Variants in PPP1R13B observed in about 807,000 individuals in gnomAD.
PPP1R13B encodes protein phosphatase 1 regulatory subunit 13B, also known as apoptosis-stimulating of p53 protein 1.
In PPP1R13B, 44 loss-of-function variants were observed where a neutral mutation model predicts 119.8. The observed-to-expected ratio is 0.37, with a 90% CI of 0.29 to 0.47. The LOEUF is 0.47. Among genes scored for constraint, PPP1R13B ranks in the 20% least tolerant of loss-of-function variants. The pLI is 0.99. For synonymous variants in PPP1R13B, 542 were observed against 561.5 expected (o/e 0.97, Z 0.49); for missense variants, 1,227 against 1,413.5 (o/e 0.87, Z 2.12).
chr14:103,765,296 G>A (rs1311975876), intron 4 of PPP1R13B, among the ~76,000 whole-genome samples: 1 of 152,100 alleles, frequency 6.6e-6, no homozygotes, highest in African/African-American at 2.4e-5. Context: ...ATATTATTTG[G>A]AATAAAAAAT....
At chr14:103,848,128 C>T, upstream of PPP1R13B, 3 of 638,776 alleles carry the variant, frequency 4.7e-6, no homozygotes, top group Non-Finnish European at 5.8e-6. Flanking sequence ...GGCCCGACGC[C>T]CTTGGCTGGC....
chr14:103,790,963 A>G (rs1304231543), intron 2 of PPP1R13B, among the ~76,000 whole-genome samples: 3 of 152,218 alleles, frequency 2.0e-5, no homozygotes. Flanking sequence ...TGATGTCAAG[A>G]CAAGAGATAA....
intron 2 of PPP1R13B, among the ~76,000 whole-genome samples, chr14:103,785,517 CTTTTT>C (rs57736391): frequency 2.5e-5 from 3 of 120,178 alleles, no homozygotes; most frequent in Admixed American, 8.6e-5. Context: ...CACACTCAGC[CTTTTT>C]TTTTTTTTTT....
chr14:103,738,451 C>A lies in PPP1R13B; in HGVS notation c.2864+228G>T. ...TTAGACTGCAATGTTAATGACGAGG[C>A]ACAGAAAGAGCATAACCACAGCCAC... On this transcript the variant is annotated intron_variant, in intron 14 of 16. Transcript: ENST00000202556. This position sits in a 1 kb window ranked among gnomAD's most constrained non-coding sequence, Gnocchi z 5.6. 1 of 603,694 alleles carries A rather than the reference C, an allele frequency of 1.7e-6. No individual in the cohort carries two copies. Among genetic ancestry groups the A allele is most frequent in the Non-Finnish European group, 2.9e-6 (1 of 350,556 alleles). 37.4% of individuals were successfully genotyped at this position (603,694 alleles called of 1,614,324 possible).
intron 1 of PPP1R13B, among the ~76,000 whole-genome samples, chr14:103,826,804 A>T (rs188570349): frequency 2.7e-5 from 4 of 150,286 alleles, no homozygotes; most frequent in Non-Finnish European, 5.9e-5. Context: ...GTCAGGAGAT[A>T]GAGACCATCC....
At chr14:103,847,186 C>G (rs2087067240) in intron 1 of PPP1R13B, 113 bp downstream of exon 1, 23 of 1,019,584 alleles carry the variant, frequency 2.3e-5, no homozygotes, top group Non-Finnish European at 2.6e-5. Context: ...ACTTCCTTCC[C>G]CGCCCGCCCG....
chr14:103,778,651 C>T lies in PPP1R13B; in HGVS notation c.354+94G>A, dbSNP rs552492006. 159 of 957,754 alleles carry T rather than the reference C, an allele frequency of 1.7e-4. 1 individual carries two copies. Among genetic ancestry groups the T allele is most frequent in the Middle Eastern group, 6.4e-4 (3 of 4,678 alleles). 59.3% of individuals were successfully genotyped at this position (957,754 alleles called of 1,614,324 possible). On this transcript the variant is annotated intron_variant, in intron 4 of 16. Coordinates refer to ENST00000202556, the MANE Select transcript of PPP1R13B (RefSeq NM_015316.3). ...AAACTCCTGCCCTCATGTGATCCTC[C>T]CACCTTGGCCTCCCAAAGTGCTGAG...
At chr14:103,769,262 T>A (rs1442142061) in intron 4 of PPP1R13B, among the ~76,000 whole-genome samples, 2 of 143,806 alleles carry the variant, frequency 1.4e-5, no homozygotes, top group Non-Finnish European at 3.0e-5. Context: ...ATATTTGTAT[T>A]TTTTTTTTAG....
chr14:103,833,832 T>C (rs2086713076), intron 1 of PPP1R13B, among the ~76,000 whole-genome samples: 1 of 152,076 alleles, frequency 6.6e-6, no homozygotes, highest in Non-Finnish European at 1.5e-5. Flanking sequence ...CTTTTATCTT[T>C]TGGAATGGCA....
intron 1 of PPP1R13B, among the ~76,000 whole-genome samples, chr14:103,800,194 G>A (rs2152045096): frequency 6.6e-6 from 1 of 152,280 alleles, no homozygotes; most frequent in South Asian, 2.1e-4. Context: ...GGTGGCTCAT[G>A]ACAGTGGTCT....
intron 1 of PPP1R13B, among the ~76,000 whole-genome samples, chr14:103,807,587 C>T (rs569756267): frequency 2.3e-4 from 35 of 152,078 alleles, no homozygotes; most frequent in Non-Finnish European, 4.6e-4. Flanking sequence ...CTCTGCCTTC[C>T]GGGTTCACGC....
intron 1 of PPP1R13B, among the ~76,000 whole-genome samples, chr14:103,819,662 T>C (rs1189061704): frequency 6.6e-6 from 1 of 151,982 alleles, no homozygotes; most frequent in Non-Finnish European, 1.5e-5. Context: ...GATTTGCTGA[T>C]GGAGTGGATG....
intron 2 of PPP1R13B, among the ~76,000 whole-genome samples, chr14:103,791,360 C>CT (rs1192466388): frequency 2.0e-5 from 3 of 152,174 alleles, no homozygotes; most frequent in African/African-American, 4.8e-5. Flanking sequence ...TGAAATCTGT[C>CT]TGTGCTTAGC....
In PPP1R13B at chr14:103,738,066, G is replaced by C. The variant is rs2084158372; in HGVS notation, c.2865-206C>G. 6.6e-6 allele frequency among the ~76,000 whole-genome samples: 1 copy of C among 152,236 alleles called. No homozygotes were observed. Among genetic ancestry groups the C allele is most frequent in the African/African-American group, 2.4e-5 (1 of 41,454 alleles). On this transcript the variant is annotated intron_variant, in intron 14 of 16. Transcript: ENST00000202556. This position sits in a 1 kb window ranked among gnomAD's most constrained non-coding sequence, Gnocchi z 5.6. Reference sequence around the variant, plus strand: ...TTTTGAAAAGGGGGCACAGGGAATGGGTTAAGAAATGGCCAATCCACAGAT... The same window carrying C: ...TTTTGAAAAGGGGGCACAGGGAATGCGTTAAGAAATGGCCAATCCACAGAT...
chr14:103,794,004 G>T (rs2085693094), intron 2 of PPP1R13B, among the ~76,000 whole-genome samples: 1 of 152,168 alleles, frequency 6.6e-6, no homozygotes, highest in African/African-American at 2.4e-5. Flanking sequence ...TTACAAGAGG[G>T]GGAGGTTTGT....
chr14:103,771,375 C>T (rs965896166), intron 4 of PPP1R13B, among the ~76,000 whole-genome samples: 3 of 151,628 alleles, frequency 2.0e-5, no homozygotes, highest in South Asian at 2.1e-4. Flanking sequence ...GCAGAAGTCA[C>T]GTTCAGATTG....
At chr14:103,812,125 TG>T (rs1567142597) in intron 1 of PPP1R13B, among the ~76,000 whole-genome samples, 1 of 131,210 alleles carries the variant, frequency 7.6e-6, no homozygotes, top group African/African-American at 2.9e-5. Context: ...TTTCTGTGTG[TG>T]GTTTTTTTTT....
At chr14:103,839,637 A>T (rs1184587408) in intron 1 of PPP1R13B, among the ~76,000 whole-genome samples, 5 of 151,358 alleles carry the variant, frequency 3.3e-5, no homozygotes, top group Non-Finnish European at 7.4e-5. Context: ...CAAAAAAAAA[A>T]AAAAAATCTT....
At chr14:103,745,024 C>T (rs1233268307) in intron 9 of PPP1R13B, among the ~76,000 whole-genome samples, 3 of 152,202 alleles carry the variant, frequency 2.0e-5, no homozygotes, top group Admixed American at 6.5e-5. Flanking sequence ...TGCTAATTAC[C>T]TCCCACTGGA....
Sources: gnomAD v4.1 joint callset for allele counts (sites outside exome capture counted in the v4.1 genomes callset) on GRCh38, gnomAD v4.1.1 for gene constraint, Gnocchi (gnomAD v3.1) non-coding constraint, MANE v1.5 for transcripts, NCBI Gene and HGNC (gene_info 2026-07-23, HGNC 2026-07-21) for gene names.